The following C8orf89 variants were observed in gnomAD, a reference collection of about 807,000 sequenced individuals.
C8orf89 encodes putative uncharacterized protein C8orf89.
C8orf89 carries 14 observed loss-of-function variants against 15.8 expected under a neutral mutation model. The ratio of observed to expected loss-of-function variants is 0.89; its 90% CI spans 0.59 to 1.39. C8orf89 has a LOEUF of 1.39. Ranked by LOEUF, C8orf89 falls within the 40% of genes most tolerant of loss-of-function variation. The pLI, the probability that C8orf89 is intolerant of heterozygous loss-of-function variation, is 0.00. For synonymous variants in C8orf89, 55 were observed against 62.2 expected, an observed-to-expected ratio of 0.88 and a Z score of 0.54; for missense variants, 181 against 184.5, an observed-to-expected ratio of 0.98 and a Z score of 0.11.
the C8orf89 span, among the ~76,000 whole-genome samples, chr8:73,282,189 C>G: frequency 3.3e-5 from 5 of 152,180 alleles, no homozygotes; most frequent in Admixed American, 6.5e-5. Flanking sequence ...AAATGTGTCA[C>G]GTGCACAAAA....
intron 2 of C8orf89, among the ~76,000 whole-genome samples, chr8:73,256,652 C>T (rs763605146): frequency 4.3e-5 from 6 of 139,054 alleles, no homozygotes; most frequent in South Asian, 2.4e-4. Context: ...CGCTGGAATC[C>T]GGGAGGCGGA....
upstream of C8orf89, among the ~76,000 whole-genome samples, chr8:73,260,592 GGCAAAAAATA>G (rs1813507647): frequency 6.6e-6 from 1 of 152,168 alleles, no homozygotes; most frequent in Non-Finnish European, 1.5e-5. Context: ...TATGATGGGG[GGCAAAAAATA>G]AGGGTGCCGT....
At chr8:73,254,381 G>A (rs1040673093) in intron 2 of C8orf89, among the ~76,000 whole-genome samples, 2 of 152,162 alleles carry the variant, frequency 1.3e-5, no homozygotes, top group African/African-American at 4.8e-5. Flanking sequence ...CAAGGATATT[G>A]GTCTAAAATT....
the C8orf89 span, among the ~76,000 whole-genome samples, chr8:73,280,040 A>T: frequency 6.6e-6 from 1 of 152,196 alleles, no homozygotes; most frequent in Non-Finnish European, 1.5e-5. Flanking sequence ...GACCCACAGA[A>T]TCCATGAGCA....
At chr8:73,251,932 G>A (rs182427574) in intron 2 of C8orf89, among the ~76,000 whole-genome samples, 2 of 152,242 alleles carry the variant, frequency 1.3e-5, no homozygotes, top group Admixed American at 6.5e-5. Flanking sequence ...TGACAGTCAG[G>A]GACACAAGTG....
At chr8:73,274,769 CTTA>C in the C8orf89 span, among the ~76,000 whole-genome samples, 1 of 152,082 alleles carries the variant, frequency 6.6e-6, no homozygotes, top group South Asian at 2.1e-4. Context: ...TGTTTGATAT[CTTA>C]TTAGTTTTAC....
chr8:73,242,080 G>A (rs1813019519), intron 3 of C8orf89, among the ~76,000 whole-genome samples: 1 of 152,122 alleles, frequency 6.6e-6, no homozygotes, highest in Non-Finnish European at 1.5e-5. Context: ...CATGGGAGTG[G>A]TCAAAGATTT....
At chr8:73,258,941 T>A (rs1477962469) in intron 1 of C8orf89, among the ~76,000 whole-genome samples, 1 of 152,298 alleles carries the variant, frequency 6.6e-6, no homozygotes, top group East Asian at 1.9e-4. Flanking sequence ...TGGTTAGAAT[T>A]ATTAATACAT....
At chr8:73,274,045 G>A in the C8orf89 span, among the ~76,000 whole-genome samples, 1 of 151,750 alleles carries the variant, frequency 6.6e-6, no homozygotes, top group Non-Finnish European at 1.5e-5. Context: ...TGAGATTACT[G>A]TTAACTATTT....
chr8:73,249,449 G>A (rs1442490148), intron 3 of C8orf89, among the ~76,000 whole-genome samples: 1 of 152,054 alleles, frequency 6.6e-6, no homozygotes, highest in Non-Finnish European at 1.5e-5. Flanking sequence ...GAGTTACAGA[G>A]GAATACCTCA....
chr8:73,263,620 T>C (rs1158824210), upstream of C8orf89, among the ~76,000 whole-genome samples: 1 of 152,218 alleles, frequency 6.6e-6, no homozygotes, highest in Non-Finnish European at 1.5e-5. Flanking sequence ...ATATTTATTA[T>C]TCATCCACCC....
intron 1 of C8orf89, among the ~76,000 whole-genome samples, chr8:73,257,363 A>T (rs768202744): frequency 6.6e-6 from 1 of 152,234 alleles, no homozygotes; most frequent in Non-Finnish European, 1.5e-5. Flanking sequence ...GAACAGCTTC[A>T]TGGATCTTCC....
chr8:73,279,203 C>G, the C8orf89 span, among the ~76,000 whole-genome samples: 1 of 152,130 alleles, frequency 6.6e-6, no homozygotes, highest in African/African-American at 2.4e-5. Context: ...AGTTAATTTC[C>G]TTACATATTC....
At chr8:73,270,101 A>C in the C8orf89 span, among the ~76,000 whole-genome samples, 1 of 152,212 alleles carries the variant, frequency 6.6e-6, no homozygotes, top group African/African-American at 2.4e-5. Flanking sequence ...AAGAGAATAG[A>C]ATCATTGAGT....
chr8:73,254,508 T>C (rs1296860525), intron 2 of C8orf89, among the ~76,000 whole-genome samples: 1 of 152,158 alleles, frequency 6.6e-6, no homozygotes, highest in Non-Finnish European at 1.5e-5. Flanking sequence ...GCCTCCTCTA[T>C]TCCCAGGAGG....
chr8:73,262,207 C>A (rs1196019645), upstream of C8orf89, among the ~76,000 whole-genome samples: 2 of 152,116 alleles, frequency 1.3e-5, no homozygotes, highest in African/African-American at 2.4e-5. Context: ...GATGACCAGA[C>A]AACTTTCTTT....
At position 73,257,115 on chromosome 8, in the gene C8orf89, C is replaced by T. The variant is rs1437478881; in HGVS notation, c.139G>A (p.Ala47Thr). The change falls in exon 2 of 4, where the codon GCA (alanine) becomes ACA (threonine). Residue 47 changes from alanine (A) to threonine (T), a missense_variant. Ala to Thr is a moderately conservative substitution (Grantham distance 58, BLOSUM62 0). Coordinates refer to ENST00000624510, the MANE Select transcript of C8orf89 (RefSeq NM_001243237.3). ...TQKIKKEYTT[A>T]FGLEELKECI... is the part of the protein sequence containing the mutation. ...TCCTTGAGCTCTTCTAGACCAAATGCTGTGGTATATTCTGGTTAAAAATAT... is the reference window on the plus strand; with the variant it reads ...TCCTTGAGCTCTTCTAGACCAAATGTTGTGGTATATTCTGGTTAAAAATAT... 11 of 1,531,720 alleles carry T rather than the reference C, an allele frequency of 7.2e-6. No individual in the cohort carries two copies. Among genetic ancestry groups the T allele is most frequent in the African/African-American group, 1.4e-5 (1 of 72,910 alleles). The allele number at this position is 1,531,720 out of a possible 1,614,324, so 94.9% of individuals were successfully genotyped here.
chr8:73,257,907 A>T (rs1397215886), intron 1 of C8orf89, among the ~76,000 whole-genome samples: 4 of 152,110 alleles, frequency 2.6e-5, no homozygotes, highest in Non-Finnish European at 5.9e-5. Context: ...GTAACTTTTG[A>T]TTTTTTCCTC....
the C8orf89 span, among the ~76,000 whole-genome samples, chr8:73,270,887 T>C: frequency 6.6e-6 from 1 of 152,224 alleles, no homozygotes; most frequent in Middle Eastern, 3.2e-3. Flanking sequence ...ATTTGCTTAT[T>C]TGTGTCTAAA....
Sources: allele counts gnomAD v4.1 joint callset (sites outside exome capture counted in the v4.1 genomes callset), GRCh38; gene constraint gnomAD v4.1.1; transcripts MANE v1.5; gene names NCBI Gene and HGNC (gene_info 2026-07-23, HGNC 2026-07-21).